WDPCP: variants seen among roughly 807,000 people sequenced by gnomAD.
WDPCP encodes WD repeat containing planar cell polarity effector, also known as WD repeat-containing and planar cell polarity effector protein fritz homolog.
A neutral mutation model predicts 93.1 loss-of-function variants in WDPCP; 71 were observed. That is an observed-to-expected ratio of 0.76 (90% CI 0.63 to 0.93). The LOEUF is 0.93. WDPCP is among the 40% of genes least tolerant of loss of function. The pLI, the probability that WDPCP is intolerant of heterozygous loss-of-function variation, is 0.00. For synonymous variants in WDPCP, 315 were observed against 315.0 expected, an observed-to-expected ratio of 1.00 and a Z score of 0.00; for missense variants, 844 against 887.4, an observed-to-expected ratio of 0.95 and a Z score of 0.62.
chr2:63,616,400 G>A (rs1343742526), intron 3 of WDPCP, among the ~76,000 whole-genome samples: 3 of 152,162 alleles, frequency 2.0e-5, no homozygotes, highest in East Asian at 3.8e-4. Flanking sequence ...GGGTAAAGGG[G>A]CTGAAAATGG....
At chr2:63,594,520 A>G in intron 3 of WDPCP, 2 of 1,613,986 alleles carry the variant, frequency 1.2e-6, no homozygotes, top group Non-Finnish European at 1.7e-6. Flanking sequence ...TGACTGGAGC[A>G]GCTGGTCAAA....
At chr2:63,230,985 G>A (rs536272729) in intron 14 of WDPCP, among the ~76,000 whole-genome samples, 30 of 152,214 alleles carry the variant, frequency 2.0e-4, no homozygotes, top group African/African-American at 4.6e-4. Flanking sequence ...TGCTTTTGGC[G>A]TTTTAATCCT....
At chr2:63,541,770 C>T (rs1206961689) in intron 1 of WDPCP, among the ~76,000 whole-genome samples, 1 of 152,138 alleles carries the variant, frequency 6.6e-6, no homozygotes, top group African/African-American at 2.4e-5. Context: ...TTTGACATCA[C>T]TTCCAAATCT....
At chr2:63,566,180 C>A (rs1011909437) in intron 1 of WDPCP, among the ~76,000 whole-genome samples, 18 of 152,194 alleles carry the variant, frequency 1.2e-4, no homozygotes, top group Admixed American at 6.5e-5. Flanking sequence ...CTTGGTCCCC[C>A]AAAATCACCA....
the WDPCP span, among the ~76,000 whole-genome samples, chr2:63,839,845 G>A: frequency 2.6e-5 from 4 of 152,186 alleles, no homozygotes; most frequent in African/African-American, 9.7e-5. Flanking sequence ...TTTTACGGCC[G>A]AGAGGTTTTT....
chr2:63,411,751 C>G (rs1253378046), intron 9 of WDPCP, among the ~76,000 whole-genome samples: 1 of 152,088 alleles, frequency 6.6e-6, no homozygotes, highest in Non-Finnish European at 1.5e-5. Flanking sequence ...CTGTGAACAC[C>G]TTTACACACA....
At chr2:63,171,308 A>G (rs927214768) in intron 15 of WDPCP, among the ~76,000 whole-genome samples, 1 of 152,248 alleles carries the variant, frequency 6.6e-6, no homozygotes, top group Admixed American at 6.5e-5. Flanking sequence ...CAGGTATTTA[A>G]TAAGGAACTT....
chr2:63,167,829 G>C (rs1156482941), intron 15 of WDPCP, among the ~76,000 whole-genome samples: 1 of 152,072 alleles, frequency 6.6e-6, no homozygotes, highest in Admixed American at 6.6e-5. Flanking sequence ...AGCATAGTGA[G>C]TTAGGCTGGG....
chr2:63,545,617 T>C (rs1196645068), intron 1 of WDPCP, among the ~76,000 whole-genome samples: 1 of 152,076 alleles, frequency 6.6e-6, no homozygotes, highest in East Asian at 1.9e-4. Flanking sequence ...ATGATTTATA[T>C]AATTTGTTCC....
chr2:63,674,494 TAGTC>T (rs1209504159), intron 2 of WDPCP, among the ~76,000 whole-genome samples: 2 of 152,170 alleles, frequency 1.3e-5, no homozygotes, highest in African/African-American at 4.8e-5. Context: ...GTATCTAAAA[TAGTC>T]AGACTCATAA....
intron 3 of WDPCP, among the ~76,000 whole-genome samples, chr2:63,613,756 A>G (rs1436106920): frequency 2.0e-5 from 3 of 152,238 alleles, no homozygotes; most frequent in African/African-American, 7.2e-5. Context: ...TGGAAAGGCT[A>G]AGAACCGAGG....
chr2:63,421,299 T>A (rs975001832), intron 9 of WDPCP, among the ~76,000 whole-genome samples: 2 of 152,170 alleles, frequency 1.3e-5, no homozygotes, highest in Admixed American at 1.3e-4. Flanking sequence ...CTTTTGGGCA[T>A]GTGAAAGTTA....
In WDPCP at chr2:63,513,659, C is replaced by T. The variant is rs142499539; in HGVS notation, c.76-20719G>A. ...ATCTCCTTTCTCTCTTGAAGACCCT[C>T]ATTCCACAGGGGTCCTGCCCCATAC... On this transcript the variant is annotated intron_variant, in intron 1 of 17. Transcript: ENST00000272321. Among the ~76,000 whole-genome samples the T allele has an allele frequency of 2.6e-5, 4 of 152,318 alleles. No homozygotes were observed. The East Asian group carries it at 7.7e-4, about 29-fold the overall frequency.
intron 2 of WDPCP, among the ~76,000 whole-genome samples, chr2:63,657,483 T>C (rs553006323): frequency 6.6e-6 from 1 of 152,112 alleles, no homozygotes; most frequent in Admixed American, 6.6e-5. Context: ...TGAGATTACA[T>C]GCGTGAGTCA....
At chr2:63,531,232 G>A (rs914971645) in intron 1 of WDPCP, among the ~76,000 whole-genome samples, 6 of 152,250 alleles carry the variant, frequency 3.9e-5, no homozygotes, top group Non-Finnish European at 8.8e-5. Context: ...AACGAGGCCT[G>A]CCTGCCTCTG....
chr2:63,700,306 A>AG (rs1558887462), intron 2 of WDPCP, among the ~76,000 whole-genome samples: 2 of 146,138 alleles, frequency 1.4e-5, no homozygotes, highest in African/African-American at 2.6e-5. Flanking sequence ...AAAAAAAACA[A>AG]AAAGAAAAAA....
chr2:63,738,447 C>A lies in WDPCP; in HGVS notation n.308+75175G>T, dbSNP rs1669670340. Among the ~76,000 whole-genome samples, 4 of 147,936 alleles carry A rather than the reference C, an allele frequency of 2.7e-5. No individual in the cohort carries two copies. The Admixed American group carries it at 2.8e-4, about 10-fold the overall frequency. On this transcript the variant is annotated intron_variant and non_coding_transcript_variant, in intron 2 of 4. Coordinates refer to the WDPCP transcript ENST00000467687. ...CACTCCTTCTCCTGTGCACATAGAT[C>A]TGCTTGATATCAGCCCAATCCAGAA...
chr2:63,785,388 T>C (rs1431416000), intron 2 of WDPCP, among the ~76,000 whole-genome samples: 2 of 152,288 alleles, frequency 1.3e-5, no homozygotes, highest in African/African-American at 2.4e-5. Flanking sequence ...TCATTCATTA[T>C]TGAAGAAGGG....
At chr2:63,714,390 C>T (rs984558395) in intron 2 of WDPCP, among the ~76,000 whole-genome samples, 1 of 152,012 alleles carries the variant, frequency 6.6e-6, no homozygotes, top group Admixed American at 6.5e-5. Flanking sequence ...TTCAGAAAAT[C>T]CTCCTCAGGT....
Sources: gnomAD v4.1 joint callset for allele counts (sites outside exome capture counted in the v4.1 genomes callset) on GRCh38, gnomAD v4.1.1 for gene constraint, MANE v1.5 for transcripts, NCBI Gene and HGNC (gene_info 2026-07-23, HGNC 2026-07-21) for gene names.